The following GMDS variants were observed in gnomAD, a reference collection of about 807,000 sequenced individuals.
GMDS encodes GDP-mannose 4,6 dehydratase.
In GMDS, 20 loss-of-function variants were observed where a neutral mutation model predicts 49.9. The ratio of observed to expected loss-of-function variants is 0.40; its 90% CI spans 0.28 to 0.58. GMDS has a LOEUF of 0.58. Among genes scored for constraint, GMDS ranks in the 20% least tolerant of loss-of-function variants. GMDS has a pLI of 0.42. For synonymous variants in GMDS, 177 were observed against 178.6 expected (o/e 0.99, Z 0.07); for missense variants, 362 against 481.4 (o/e 0.75, Z 2.32).
intron 9 of GMDS, among the ~76,000 whole-genome samples, chr6:1,688,168 G>C (rs1392461214): frequency 3.9e-5 from 6 of 152,164 alleles, no homozygotes; most frequent in Non-Finnish European, 7.3e-5. Flanking sequence ...TTCGCTGATG[G>C]ATAAGTTGTG....
At chr6:1,816,333 A>G (rs532601940) in intron 7 of GMDS, among the ~76,000 whole-genome samples, 27 of 152,234 alleles carry the variant, frequency 1.8e-4, no homozygotes, top group Non-Finnish European at 1.9e-4. Context: ...CTGCCAGATA[A>G]GGAAATGGAT....
At position 2,124,695 on chromosome 6, in the gene GMDS, C is replaced by T; in HGVS notation, c.139G>A (p.Gly47Ser). 1 of 1,613,844 alleles carries T rather than the reference C, an allele frequency of 6.2e-7. No individual in the cohort carries two copies. The highest frequency in any genetic ancestry group is 8.5e-7 in the Non-Finnish European group (1 of 1,179,792). The change falls in exon 2 of 11, where the codon GGC becomes AGC. Residue 47 changes from glycine (G) to serine (S), a missense_variant. Transcript: ENST00000380815. ...SYLAEFLLEK[G>S]YEVHGIVRRS... ...CCCATTGAGTCACCCACCTCATAGCCTTTCTCCAGCAGGAACTCAGCCAGG... is the reference window on the plus strand; with the variant it reads ...CCCATTGAGTCACCCACCTCATAGCTTTTCTCCAGCAGGAACTCAGCCAGG...
intron 9 of GMDS, among the ~76,000 whole-genome samples, chr6:1,652,844 G>T (rs1763757759): frequency 7.3e-6 from 1 of 136,796 alleles, no homozygotes; most frequent in South Asian, 2.3e-4. Context: ...CCTGCTGTTT[G>T]TCCTGCTTCT....
intron 4 of GMDS, among the ~76,000 whole-genome samples, chr6:2,085,030 A>G (rs192002259): frequency 6.6e-6 from 1 of 152,232 alleles, no homozygotes; most frequent in Non-Finnish European, 1.5e-5. Context: ...TTTTTACTAG[A>G]CAAAGCAAAT....
At chr6:2,190,393 TCA>T (rs1561643555) in intron 1 of GMDS, among the ~76,000 whole-genome samples, 3 of 152,246 alleles carry the variant, frequency 2.0e-5, no homozygotes, top group Non-Finnish European at 4.4e-5. Context: ...CATTTAATTC[TCA>T]CAGTTATTCT....
chr6:1,951,324 C>T (rs1477528088), intron 6 of GMDS, among the ~76,000 whole-genome samples: 1 of 152,126 alleles, frequency 6.6e-6, no homozygotes, highest in East Asian at 1.9e-4. Context: ...CTCAAAACCA[C>T]AAGTTCATGA....
intron 1 of GMDS, among the ~76,000 whole-genome samples, chr6:2,127,701 G>T (rs995990163): frequency 1.8e-4 from 28 of 152,224 alleles, no homozygotes; most frequent in Admixed American, 1.8e-3. Context: ...CCCAGCCCAG[G>T]GGGCCCAGCT....
chr6:1,726,362 GC>G (rs1766585916), intron 9 of GMDS, 53 bp downstream of exon 9: 7 of 1,187,958 alleles, frequency 5.9e-6, no homozygotes, highest in Non-Finnish European at 8.8e-6. Context: ...GAGCGCATTT[GC>G]CCAGCCAGCC....
At chr6:2,151,631 C>T (rs184989499) in intron 1 of GMDS, among the ~76,000 whole-genome samples, 6 of 152,176 alleles carry the variant, frequency 3.9e-5, no homozygotes, top group Admixed American at 1.3e-4. Context: ...CTGTTATTTA[C>T]TAAGCCTTGC....
intron 9 of GMDS, among the ~76,000 whole-genome samples, chr6:1,709,885 C>T (rs1240602918): frequency 1.3e-5 from 2 of 152,144 alleles, no homozygotes; most frequent in Admixed American, 6.5e-5. Context: ...GCTAAACCTG[C>T]CTAACTCGAC....
At chr6:2,190,176 A>G (rs958113741) in intron 1 of GMDS, among the ~76,000 whole-genome samples, 3 of 152,222 alleles carry the variant, frequency 2.0e-5, no homozygotes, top group African/African-American at 7.2e-5. Context: ...TCAGGGAAAA[A>G]AGAGCAAATG....
intron 7 of GMDS, among the ~76,000 whole-genome samples, chr6:1,914,621 T>C (rs896793914): frequency 4.6e-5 from 7 of 152,220 alleles, no homozygotes; most frequent in South Asian, 2.1e-4. Flanking sequence ...CCTGAGACTA[T>C]TTCCAGGGAA....
At chr6:2,039,529 A>C (rs1769522814) in intron 4 of GMDS, among the ~76,000 whole-genome samples, 1 of 152,172 alleles carries the variant, frequency 6.6e-6, no homozygotes, top group Non-Finnish European at 1.5e-5. Flanking sequence ...AGTTAAACAA[A>C]AAATATTTTC....
chr6:1,804,255 T>C (rs922734093), intron 7 of GMDS, among the ~76,000 whole-genome samples: 27 of 152,268 alleles, frequency 1.8e-4, no homozygotes, highest in Admixed American at 1.1e-3. Flanking sequence ...TCTGTGCAGT[T>C]TGCCAGTCCT....
intron 1 of GMDS, among the ~76,000 whole-genome samples, chr6:2,235,792 A>G (rs750637611): frequency 5.5e-4 from 84 of 151,840 alleles, no homozygotes; most frequent in Non-Finnish European, 9.4e-4. Context: ...AGCCTGAGCA[A>G]GACCCTTTCT....
At chr6:2,120,258 TAAGTGGCAACGTTA>T (rs1243239917) in intron 2 of GMDS, among the ~76,000 whole-genome samples, 1 of 152,146 alleles carries the variant, frequency 6.6e-6, no homozygotes, top group Non-Finnish European at 1.5e-5. Context: ...ACACAGCTAG[TAAGTGGCAACGTTA>T]AAGGACATAG....
intron 4 of GMDS, among the ~76,000 whole-genome samples, chr6:2,009,863 T>C (rs1233955489): frequency 2.0e-5 from 3 of 152,206 alleles, no homozygotes; most frequent in Non-Finnish European, 4.4e-5. Flanking sequence ...TATATTTATT[T>C]TGAACATAGC....
chr6:1,852,002 C>CCA (rs140009748), intron 7 of GMDS, among the ~76,000 whole-genome samples: 4,291 of 152,288 alleles, frequency 0.028, 199 homozygotes, highest in African/African-American at 0.097. Context: ...GGAGAGGCTC[C>CCA]CACACGGAAT....
chr6:2,198,556 TAAAC>T (rs1324625715), intron 1 of GMDS, among the ~76,000 whole-genome samples: 8 of 79,572 alleles, frequency 1.0e-4, no homozygotes, highest in Non-Finnish European at 1.1e-4. Flanking sequence ...AAGAAACAAA[TAAAC>T]AAAAAAAAAA....
Sources: gnomAD v4.1 joint callset for allele counts (sites outside exome capture counted in the v4.1 genomes callset) on GRCh38, gnomAD v4.1.1 for gene constraint, MANE v1.5 for transcripts, NCBI Gene and HGNC (gene_info 2026-07-23, HGNC 2026-07-21) for gene names.